LARP1: variants seen among roughly 807,000 people sequenced by gnomAD.
LARP1 encodes La ribonucleoprotein 1, translational regulator.
In LARP1, 36 loss-of-function variants were observed where a neutral mutation model predicts 122.7. That is an observed-to-expected ratio of 0.29 (90% CI 0.22 to 0.39). The LOEUF is 0.39. Ranked by LOEUF, LARP1 falls within the 10% of genes least tolerant of loss-of-function variation. LARP1 has a pLI of 1.00. For synonymous variants in LARP1, 539 were observed against 528.7 expected (o/e 1.02, Z -0.27); for missense variants, 1,040 against 1,403.6 (o/e 0.74, Z 4.14).
intron 14 of LARP1, chr5:154,804,963 C>T (rs538457446): frequency 2.9e-5 from 13 of 454,642 alleles, no homozygotes; most frequent in Admixed American, 9.4e-5. Context: ...GTTGAAAATC[C>T]GTGTATAACT....
intron 1 of LARP1, among the ~76,000 whole-genome samples, chr5:154,760,235 G>A (rs190991755): frequency 1.1e-3 from 162 of 152,282 alleles, no homozygotes; most frequent in African/African-American, 3.6e-3. Flanking sequence ...GAGCCACCGC[G>A]CCCGGCCCTA....
rs200466772 is a variant in LARP1 at position 154,801,990 on chromosome 5, C to T, written c.1717-17C>T. 16 of 1,589,848 alleles carry T rather than the reference C, an allele frequency of 1.0e-5. No individual in the cohort carries two copies. In the East Asian group the frequency reaches 1.1e-4, roughly 11 times the overall value. ...ATCTCTGGTGATTCCTTTTCCCCTT[C>T]GTCTGTCCTATTTTAGAAGTCAGAG... On this transcript the variant is annotated splice_polypyrimidine_tract_variant and intron_variant, in intron 10 of 18. Coordinates refer to ENST00000518297, the MANE Select transcript of LARP1 (RefSeq NM_033551.3).
chr5:154,764,927 C>CA (rs898000100), intron 1 of LARP1, among the ~76,000 whole-genome samples: 4 of 149,538 alleles, frequency 2.7e-5, no homozygotes, highest in Admixed American at 6.7e-5. Context: ...AAAGAAACAA[C>CA]AAAAAAAACC....
chr5:154,796,751 G>T (rs2113804403), intron 8 of LARP1, among the ~76,000 whole-genome samples: 1 of 152,294 alleles, frequency 6.6e-6, no homozygotes, highest in East Asian at 1.9e-4. Context: ...ACCTCTTCAA[G>T]AAGTAACTTT....
chr5:154,715,269 T>C (rs1187049678), intron 1 of LARP1, among the ~76,000 whole-genome samples: 3 of 144,782 alleles, frequency 2.1e-5, no homozygotes, highest in African/African-American at 7.6e-5. Context: ...CCTCTCTTTT[T>C]TTTTTTTTTT....
At chr5:154,756,573 C>T (rs938915743) in intron 1 of LARP1, 4 of 875,880 alleles carry the variant, frequency 4.6e-6, no homozygotes, top group Admixed American at 1.2e-4. Context: ...CCTCTTCCCA[C>T]CCCGCCCGGC....
intron 1 of LARP1, among the ~76,000 whole-genome samples, chr5:154,716,142 T>C (rs1039373415): frequency 6.6e-6 from 1 of 152,116 alleles, no homozygotes; most frequent in African/African-American, 2.4e-5. Context: ...CTTTTTGAGA[T>C]GGAGTCTTGC....
At chr5:154,695,528 G>A (rs1304322486) in intron 1 of LARP1, among the ~76,000 whole-genome samples, 14 of 151,840 alleles carry the variant, frequency 9.2e-5, no homozygotes, top group East Asian at 3.9e-4. Flanking sequence ...ATGGTGGCGC[G>A]CGCCTGTAAA....
At chr5:154,695,770 G>A (rs1561530730) in intron 1 of LARP1, among the ~76,000 whole-genome samples, 3 of 152,110 alleles carry the variant, frequency 2.0e-5, no homozygotes, top group Non-Finnish European at 2.9e-5. Flanking sequence ...CTACTTGGGC[G>A]GCTGAGGCAG....
rs1263334089 is a variant in LARP1 at position 154,817,539 on chromosome 5, T to A, written c.*3443T>A. On this transcript the variant is annotated 3_prime_UTR_variant, in exon 19 of 19. Transcript: ENST00000518297. ...AGTCCTGCTTTAGTCCTTTGTAATT[T>A]GTGGTAATTATGCTTTTCTTTTTAA... 1 of 152,692 alleles carries A rather than the reference T, an allele frequency of 6.5e-6. No individual in the cohort carries two copies. Among genetic ancestry groups the A allele is most frequent in the Non-Finnish European group, 1.5e-5 (1 of 68,048 alleles). The allele number at this position is 152,692 out of a possible 1,614,324, so 9.5% of individuals were successfully genotyped here.
chr5:154,740,275 C>T (rs984013302), intron 1 of LARP1, among the ~76,000 whole-genome samples: 2 of 151,800 alleles, frequency 1.3e-5, no homozygotes, highest in African/African-American at 4.8e-5. Flanking sequence ...TGCGTGTAAT[C>T]CCAGCTACTG....
intron 1 of LARP1, among the ~76,000 whole-genome samples, chr5:154,686,297 G>C (rs747289690): frequency 3.0e-4 from 45 of 152,332 alleles, no homozygotes; most frequent in Non-Finnish European, 6.5e-4. Context: ...TGGCTGCGGG[G>C]ATGCTCCGGA....
chr5:154,800,882 C>T (rs919183719), intron 10 of LARP1, among the ~76,000 whole-genome samples: 56 of 152,184 alleles, frequency 3.7e-4, no homozygotes, highest in African/African-American at 1.4e-3. Flanking sequence ...CAGAATTCCC[C>T]ACAGTTGTGG....
chr5:154,788,258 A>G (rs1052333060), intron 1 of LARP1, among the ~76,000 whole-genome samples: 4 of 151,926 alleles, frequency 2.6e-5, no homozygotes, highest in African/African-American at 9.7e-5. Flanking sequence ...GGGCCTAAGA[A>G]CTCTATCCTC....
intron 8 of LARP1, among the ~76,000 whole-genome samples, chr5:154,799,003 A>G (rs1358392599): frequency 1.3e-5 from 2 of 152,222 alleles, no homozygotes; most frequent in East Asian, 3.8e-4. Context: ...AGCTGGGACT[A>G]TAGGCGTGTG....
At chr5:154,712,890 CAGGGCCACA>C in exon 1 of LARP1, 1 of 1,589,658 alleles carries the variant, frequency 6.3e-7, no homozygotes, top group Non-Finnish European at 8.6e-7. Flanking sequence ...CTAAACCCTC[CAGGGCCACA>C]TAGTGACCCC....
intron 3 of LARP1, 104 bp from the exon 4 acceptor site, chr5:154,792,518 C>A (rs1757424522): frequency 3.0e-6 from 3 of 998,164 alleles, no homozygotes; most frequent in African/African-American, 3.2e-5. Context: ...CCTGCCATTG[C>A]ATGCTGTGGC....
rs1027100216 is a variant in LARP1, at chr5:154,803,922, G to C, written c.2439+177G>C. Among the ~76,000 whole-genome samples, 2 of 152,156 alleles carry C rather than the reference G, an allele frequency of 1.3e-5. No individual in the cohort carries two copies. Among genetic ancestry groups the C allele is most frequent in the African/African-American group, 4.8e-5 (2 of 41,430 alleles). On this transcript the variant is annotated intron_variant, in intron 13 of 18. Coordinates refer to ENST00000518297, the MANE Select transcript of LARP1 (RefSeq NM_033551.3). This position sits in a 1 kb window ranked among gnomAD's most constrained non-coding sequence, Gnocchi z 4.4. ...GGTAGCCACATCTGCAAAATATACT[G>C]GGTGTGGGAGTGGTAACCCCATGTT...
intron 1 of LARP1, among the ~76,000 whole-genome samples, chr5:154,701,622 C>CTTTT (rs70981938): frequency 7.4e-6 from 1 of 135,456 alleles, no homozygotes; most frequent in African/African-American, 2.7e-5. Context: ...GGGAAACTTT[C>CTTTT]TTTTTTTTTT....
Sources: allele counts gnomAD v4.1 joint callset (sites outside exome capture counted in the v4.1 genomes callset), GRCh38; gene constraint gnomAD v4.1.1; non-coding constraint Gnocchi (gnomAD v3.1); transcripts MANE v1.5; gene names NCBI Gene and HGNC (gene_info 2026-07-23, HGNC 2026-07-21).